Variants in FHDC1 observed in about 807,000 individuals in gnomAD.
The protein encoded by FHDC1 is FH2 domain containing 1.
FHDC1 carries 25 observed loss-of-function variants against 52.6 expected under a neutral mutation model. That is an observed-to-expected ratio of 0.48 (90% CI 0.35 to 0.66). The LOEUF is 0.66. FHDC1 is among the 30% of genes least tolerant of loss of function. FHDC1 has a pLI of 0.01. For synonymous variants in FHDC1, 616 were observed against 581.5 expected (o/e 1.06, Z -0.85); for missense variants, 1,459 against 1,452.8 (o/e 1.00, Z -0.07).
intron 4 of FHDC1, 86 bp from the exon 5 acceptor site, chr4:152,960,479 A>G: frequency 1.7e-6 from 2 of 1,154,470 alleles, no homozygotes; most frequent in African/African-American, 1.6e-5. Flanking sequence ...CTATTTTTTT[A>G]GAAGAATTGG....
chr4:152,942,695 T>C (rs1254446269), intron 1 of FHDC1, among the ~76,000 whole-genome samples: 3 of 152,234 alleles, frequency 2.0e-5, no homozygotes. Context: ...TGTTGATTAA[T>C]ATAAGGTTTC....
At chr4:152,956,659 G>C (rs1195465088) in intron 4 of FHDC1, among the ~76,000 whole-genome samples, 1 of 152,080 alleles carries the variant, frequency 6.6e-6, no homozygotes, top group East Asian at 1.9e-4. Context: ...CGGGAGATGG[G>C]GTCCTGCTGA....
At position 152,960,818 on chromosome 4, in the gene FHDC1, T is replaced by C. The variant is rs1369379452; in HGVS notation, c.824T>C (p.Ile275Thr). 5 of 1,604,934 alleles carry C rather than the reference T, an allele frequency of 3.1e-6. No individual in the cohort carries two copies. The highest frequency in any genetic ancestry group is 2.2e-5 in the East Asian group (1 of 44,780). ...LPSCSSLYTDITVLRTAIKEL... is the reference protein window; with the variant it reads ...LPSCSSLYTDTTVLRTAIKEL... The stretch of plus-strand genomic sequence containing the variant: ...TCTTGCTCTTCTCTATATACAGATA[T>C]AACAGTTTTAAGAACTGCTATAAAA... Residue 275 changes from isoleucine (I) to threonine (T), a missense_variant, in exon 6 of 12, where the codon ATA becomes ACA. Transcript: ENST00000511601.
In FHDC1 at chr4:152,960,817, A is replaced by G. The variant is rs760748106; in HGVS notation, c.823A>G (p.Ile275Val). 2 of 1,604,960 alleles carry G rather than the reference A, an allele frequency of 1.2e-6. No individual in the cohort carries two copies. Among genetic ancestry groups the G allele is most frequent in the African/African-American group, 1.3e-5 (1 of 74,428 alleles). The change falls in exon 6 of 12, where the codon ATA (isoleucine) becomes GTA (valine). Residue 275 changes from isoleucine to valine, a missense_variant. Ile to Val is a conservative substitution (Grantham distance 29, BLOSUM62 3). This residue lies in a region of FHDC1 where 513 missense variants were observed against 581.5 expected (regional missense o/e 0.88). Coordinates refer to ENST00000511601, the MANE Select transcript of FHDC1 (RefSeq NM_001371116.1). ...LPSCSSLYTD[I>V]TVLRTAIKEL... ...TTCTTGCTCTTCTCTATATACAGAT[A>G]TAACAGTTTTAAGAACTGCTATAAA...
chr4:152,932,394 T>C (rs1739268443), upstream of FHDC1, among the ~76,000 whole-genome samples: 1 of 139,136 alleles, frequency 7.2e-6, no homozygotes, highest in Non-Finnish European at 1.6e-5. Context: ...AGAGTGAGAC[T>C]CTATCTCAAA....
intron 11 of FHDC1, 149 bp downstream of exon 11, chr4:152,972,690 T>C (rs1740676917): frequency 1.0e-6 from 1 of 966,492 alleles, no homozygotes; most frequent in Non-Finnish European, 1.5e-6. Flanking sequence ...GGCTCTCGGC[T>C]GGGATTGCTG....
chr4:152,924,854 A>C, the FHDC1 span, among the ~76,000 whole-genome samples: 13 of 107,286 alleles, frequency 1.2e-4, no homozygotes, highest in Non-Finnish European at 1.4e-4. Flanking sequence ...CACTCTGGGG[A>C]CTGTTGTGGG....
At chr4:152,915,339 C>T in the FHDC1 span, among the ~76,000 whole-genome samples, 2 of 152,300 alleles carry the variant, frequency 1.3e-5, no homozygotes, top group East Asian at 3.9e-4. Flanking sequence ...CCTCAGACTC[C>T]TTCAATATAC....
chr4:152,934,405 T>TA (rs1419231611), upstream of FHDC1, among the ~76,000 whole-genome samples: 1 of 152,132 alleles, frequency 6.6e-6, no homozygotes, highest in African/African-American at 2.4e-5. Context: ...ACAACGATAA[T>TA]ATGGATTCAA....
chr4:152,949,373 A>G (rs1467309473), intron 2 of FHDC1, among the ~76,000 whole-genome samples: 1 of 145,720 alleles, frequency 6.9e-6, no homozygotes, highest in Admixed American at 6.9e-5. Context: ...CTAGCTACTC[A>G]GGAGGCTGAT....
At position 152,964,891 on chromosome 4, in the gene FHDC1, T is replaced by C. The variant is rs779255815; in HGVS notation, c.1030-14T>C. ...TTATCAACATAGTGAGATAAAATTC[T>C]GTTTTTGTTCCAGGAAGCCCAAAAG... On this transcript the variant is annotated splice_polypyrimidine_tract_variant and intron_variant, in intron 8 of 11. Coordinates refer to ENST00000511601, the MANE Select transcript of FHDC1 (RefSeq NM_001371116.1). The C allele has an allele frequency of 8.7e-5, 140 of 1,603,796 alleles. No individual in the cohort carries two copies. Among genetic ancestry groups the C allele is most frequent in the Non-Finnish European group, 2.4e-5 (28 of 1,175,316 alleles).
upstream of FHDC1, among the ~76,000 whole-genome samples, chr4:152,932,221 TA>T (rs11309363): frequency 0.68 from 101,968 of 150,918 alleles, 34,738 homozygotes; most frequent in African/African-American, 0.75. Flanking sequence ...CTGTCTCTAT[TA>T]AAAAAAAATT....
At chr4:152,954,466 C>A in intron 4 of FHDC1, 147 bp downstream of exon 4, 2 of 591,374 alleles carry the variant, frequency 3.4e-6, no homozygotes, top group Admixed American at 2.8e-5. Flanking sequence ...GCAGATGAAT[C>A]ACCTGAGGTC....
At chr4:152,918,090 A>G in the FHDC1 span, among the ~76,000 whole-genome samples, 2 of 152,316 alleles carry the variant, frequency 1.3e-5, no homozygotes, top group African/African-American at 4.8e-5. Flanking sequence ...AAAAATATAT[A>G]ATGACATACT....
chr4:152,975,955 CAA>C lies in FHDC1; in HGVS notation c.2665_2666del (p.Lys889ValfsTer109). The part of the protein sequence containing the change: ...SARRSQGAVA[K>X]SVRTLTASEN... ...CCCGGCGGAGCCAGGGGGCAGTGGC[CAA>C]GTCTGTGCGGACCCTGACCGCCTCA... is the stretch of plus-strand genomic sequence containing the variant. On this transcript the variant is annotated frameshift_variant, in exon 12 of 12. Transcript: ENST00000511601. LOFTEE classifies it low-confidence loss of function (END_TRUNC). 2 of 1,517,674 alleles carry C rather than the reference CAA, an allele frequency of 1.3e-6. No individual in the cohort carries two copies. The highest frequency in any genetic ancestry group is 2.7e-5 in the South Asian group (2 of 74,554). 94.0% of individuals were successfully genotyped at this position (1,517,674 alleles called of 1,614,324 possible).
At chr4:152,949,109 T>TAAG (rs1478019320) in intron 2 of FHDC1, among the ~76,000 whole-genome samples, 101 of 75,064 alleles carry the variant, frequency 1.3e-3, no homozygotes, top group East Asian at 4.0e-3. Flanking sequence ...ATAATAATAA[T>TAAG]AATAATAATA....
intron 10 of FHDC1, 54 bp from the exon 11 acceptor site, chr4:152,972,323 G>A (rs905531017): frequency 1.1e-5 from 17 of 1,524,440 alleles, no homozygotes; most frequent in African/African-American, 9.9e-5. Flanking sequence ...AGTGCCCAGC[G>A]CCGCCTCAGC....
intron 1 of FHDC1, among the ~76,000 whole-genome samples, chr4:152,939,509 A>T (rs759650163): frequency 1.5e-4 from 23 of 152,156 alleles, no homozygotes; most frequent in Non-Finnish European, 2.5e-4. Flanking sequence ...AGAGCTTAGG[A>T]GGGGGCCAGG....
intron 9 of FHDC1, among the ~76,000 whole-genome samples, chr4:152,965,841 T>C (rs923299782): frequency 1.3e-5 from 2 of 152,218 alleles, no homozygotes; most frequent in African/African-American, 2.4e-5. Context: ...TTACTGAGTG[T>C]ATCCAACTAT....
Sources: allele counts gnomAD v4.1 joint callset (sites outside exome capture counted in the v4.1 genomes callset), GRCh38; gene constraint gnomAD v4.1.1; regional missense constraint gnomAD v4.1.1; transcripts MANE v1.5; gene names NCBI Gene and HGNC (gene_info 2026-07-23, HGNC 2026-07-21).